Variants in TAFA1 observed in about 807,000 individuals in gnomAD.
TAFA1 encodes the protein chemokine-like protein TAFA-1.
Under a neutral mutation model 18.5 loss-of-function variants are expected in TAFA1, and 4 were observed. The ratio of observed to expected loss-of-function variants is 0.22; its 90% CI spans 0.11 to 0.49. TAFA1 has a LOEUF of 0.49. Ranked by LOEUF, TAFA1 falls within the 20% of genes least tolerant of loss-of-function variation. TAFA1 has a pLI of 0.98. For missense variants in TAFA1, 147 were observed against 169.0 expected (o/e 0.87, Z 0.72); for synonymous variants, 56 against 55.2 (o/e 1.01, Z -0.06).
In TAFA1 at chr3:68,516,842, C is replaced by G. The variant is rs572294692; in HGVS notation, c.260-21914C>G. Reference sequence around the variant, plus strand: ...CAGGCTGGAGTGCAATGGAGCATCTCAGCTCTCTGCAACCTCCACGTCCTG... The same window carrying G: ...CAGGCTGGAGTGCAATGGAGCATCTGAGCTCTCTGCAACCTCCACGTCCTG... On this transcript the variant is annotated intron_variant, in intron 3 of 4. Transcript: ENST00000478136. 8.0e-4 allele frequency among the ~76,000 whole-genome samples: 122 copies of G among 152,184 alleles called. 1 individual carries two copies. Among genetic ancestry groups the G allele is most frequent in the African/African-American group, 2.8e-3 (117 of 41,512 alleles).
intron 2 of TAFA1, among the ~76,000 whole-genome samples, chr3:68,289,565 G>GA (rs10662644): frequency 7.6e-6 from 1 of 132,136 alleles, no homozygotes; most frequent in Non-Finnish European, 1.7e-5. Context: ...CTTCTTCTCT[G>GA]CTTTGTGGAC....
intron 2 of TAFA1, among the ~76,000 whole-genome samples, chr3:68,033,953 A>G (rs754002038): frequency 7.2e-5 from 11 of 152,308 alleles, no homozygotes; most frequent in Non-Finnish European, 1.2e-4. Context: ...TACAGGATCA[A>G]TGTGAAATAA....
chr3:68,155,310 G>A (rs990320939), intron 2 of TAFA1, among the ~76,000 whole-genome samples: 1 of 152,194 alleles, frequency 6.6e-6, no homozygotes, highest in African/African-American at 2.4e-5. Context: ...CCCCAGAACT[G>A]TGCAGCCTTA....
chr3:68,272,812 G>T (rs2067701219), intron 2 of TAFA1, among the ~76,000 whole-genome samples: 1 of 152,122 alleles, frequency 6.6e-6, no homozygotes, highest in Admixed American at 6.5e-5. Flanking sequence ...GCAGGTAGTG[G>T]CAGAAACTAC....
intron 2 of TAFA1, among the ~76,000 whole-genome samples, chr3:68,035,334 G>T (rs1175687639): frequency 6.6e-6 from 1 of 151,888 alleles, no homozygotes; most frequent in African/African-American, 2.4e-5. Flanking sequence ...CAAACCCAAG[G>T]TTCTGTGTAT....
chr3:68,494,277 A>C (rs533500626), intron 3 of TAFA1, among the ~76,000 whole-genome samples: 50 of 152,288 alleles, frequency 3.3e-4, no homozygotes, highest in African/African-American at 1.2e-3. Context: ...AATTGGTATA[A>C]GTTTTAGACC....
chr3:68,175,559 G>A (rs917466327), intron 2 of TAFA1, among the ~76,000 whole-genome samples: 2 of 152,178 alleles, frequency 1.3e-5, no homozygotes, highest in African/African-American at 2.4e-5. Flanking sequence ...GTGCTTGCAT[G>A]GGGCCTGTAG....
chr3:68,327,518 C>A (rs548431868), intron 2 of TAFA1, among the ~76,000 whole-genome samples: 1 of 152,102 alleles, frequency 6.6e-6, no homozygotes, highest in African/African-American at 2.4e-5. Context: ...TTGCTAGCAG[C>A]ATGAAACTGG....
rs116291518 is a variant in TAFA1 at position 68,410,141 on chromosome 3, T to A, written c.119-7139T>A. Among the ~76,000 whole-genome samples the A allele has an allele frequency of 7.6e-3, 1,152 of 152,266 alleles. 15 individuals carry two copies. The highest frequency in any genetic ancestry group is 0.027 in the African/African-American group (1,111 of 41,566). ...ATCTTGAAATGCTATCTTTTTCTCT[T>A]TTTTGGATATTAGAAACTTTCTTTT... On this transcript the variant is annotated intron_variant, in intron 2 of 4. Transcript: ENST00000478136.
intron 2 of TAFA1, among the ~76,000 whole-genome samples, chr3:68,173,491 A>C (rs2066084585): frequency 1.3e-5 from 2 of 152,210 alleles, no homozygotes; most frequent in African/African-American, 4.8e-5. Flanking sequence ...TGTCAGTGAT[A>C]CAGCCACACA....
In TAFA1 at chr3:68,108,587, G is replaced by T. The variant is rs115296463; in HGVS notation, c.118+101843G>T. 6.7e-3 allele frequency among the ~76,000 whole-genome samples: 1,015 copies of T among 152,064 alleles called. 9 individuals are homozygous for T. Among genetic ancestry groups the T allele is most frequent in the African/African-American group, 0.023 (955 of 41,502 alleles). On this transcript the variant is annotated intron_variant, in intron 2 of 4. Transcript: ENST00000478136. The stretch of plus-strand genomic sequence containing the variant: ...TGTTGGTGAATGCCCTGGGATTAAG[G>T]TTCCTGGAAATCATTGCCAAACTAG...
chr3:68,256,704 G>C (rs1169571196), intron 2 of TAFA1, among the ~76,000 whole-genome samples: 1 of 152,062 alleles, frequency 6.6e-6, no homozygotes. Flanking sequence ...TTTGATTCTA[G>C]GGTTATAAGA....
At chr3:68,107,917 A>G (rs551471273) in intron 2 of TAFA1, among the ~76,000 whole-genome samples, 1 of 152,246 alleles carries the variant, frequency 6.6e-6, no homozygotes, top group Admixed American at 6.5e-5. Flanking sequence ...CCTAGTCATT[A>G]GGGTACTAAT....
At chr3:68,311,981 T>C (rs1421777121) in intron 2 of TAFA1, among the ~76,000 whole-genome samples, 1 of 152,154 alleles carries the variant, frequency 6.6e-6, no homozygotes, top group South Asian at 2.1e-4. Context: ...TAGATGGAGG[T>C]TCCCAAACCC....
chr3:68,027,082 G>A (rs1704832840), intron 2 of TAFA1, among the ~76,000 whole-genome samples: 1 of 151,968 alleles, frequency 6.6e-6, no homozygotes, highest in Admixed American at 6.6e-5. Flanking sequence ...ACCAAGCAGG[G>A]ATGGTATTAA....
At chr3:68,026,284 CG>C (rs941801459) in intron 2 of TAFA1, among the ~76,000 whole-genome samples, 3 of 151,704 alleles carry the variant, frequency 2.0e-5, no homozygotes, top group Non-Finnish European at 4.4e-5. Flanking sequence ...GGTCCAGCAG[CG>C]GGGGAATGAG....
At chr3:68,499,408 AGCTT>A (rs2072614766) in intron 3 of TAFA1, among the ~76,000 whole-genome samples, 1 of 144,992 alleles carries the variant, frequency 6.9e-6, no homozygotes, top group Admixed American at 6.8e-5. Context: ...GTTTGGAGCT[AGCTT>A]GCTTCTTTGT....
At chr3:68,345,652 C>A (rs886485084) in intron 2 of TAFA1, among the ~76,000 whole-genome samples, 1 of 152,110 alleles carries the variant, frequency 6.6e-6, no homozygotes, top group East Asian at 1.9e-4. Flanking sequence ...CCATCTCATT[C>A]AAGTCTTTGC....
intron 2 of TAFA1, among the ~76,000 whole-genome samples, chr3:68,299,138 CAA>C (rs1419907530): frequency 6.6e-6 from 1 of 152,138 alleles, no homozygotes; most frequent in African/African-American, 2.4e-5. Flanking sequence ...GGAAGTGGAG[CAA>C]AGTTCCACAT....
Sources: allele counts gnomAD v4.1 joint callset (sites outside exome capture counted in the v4.1 genomes callset), GRCh38; gene constraint gnomAD v4.1.1; transcripts MANE v1.5; gene names NCBI Gene and HGNC (gene_info 2026-07-23, HGNC 2026-07-21).